IGFN1: variants seen among roughly 807,000 people sequenced by gnomAD.
IGFN1 encodes immunoglobulin-like and fibronectin type III domain-containing protein 1.
In IGFN1, 253 loss-of-function variants were observed where a neutral mutation model predicts 289.5. That is an observed-to-expected ratio of 0.87 (90% CI 0.79 to 0.97). The LOEUF (loss-of-function observed/expected upper bound fraction) is 0.97, where lower values mean the gene tolerates loss of function less well. IGFN1 is among the 50% of genes least tolerant of loss of function. The pLI, the probability that IGFN1 is intolerant of heterozygous loss-of-function variation, is 0.00. For missense variants in IGFN1, 4,470 were observed against 4,686.1 expected, an observed-to-expected ratio of 0.95 and a Z score of 1.35; for synonymous variants, 1,706 against 1,788.5, an observed-to-expected ratio of 0.95 and a Z score of 1.16.
At chr1:201,217,588 T>G (rs1653405627) in intron 17 of IGFN1, 128 bp downstream of exon 17, 1 of 914,456 alleles carries the variant, frequency 1.1e-6, no homozygotes, top group Non-Finnish European at 1.6e-6. Context: ...CGTCTGGAGA[T>G]ATTTTTCGTG....
At chr1:201,199,539 C>G in intron 6 of IGFN1, 70 bp from the exon 7 acceptor site, 1 of 1,476,438 alleles carries the variant, frequency 6.8e-7, no homozygotes, top group South Asian at 1.2e-5. Flanking sequence ...ATGGACAACA[C>G]AGAAAAGCTC....
rs1458337685 is a variant in IGFN1, at chr1:201,208,630, C to G, written c.3737C>G (p.Pro1246Arg). 1 of 1,530,144 alleles carries G rather than the reference C, an allele frequency of 6.5e-7. No individual in the cohort carries two copies. The highest frequency in any genetic ancestry group is 8.7e-7 in the Non-Finnish European group (1 of 1,143,824). 94.8% of individuals were successfully genotyped at this position (1,530,144 alleles called of 1,614,324 possible). The change falls in exon 12 of 24, where the codon CCA becomes CGA. Residue 1246 changes from proline (P) to arginine (R), a missense_variant. Pro to Arg is a moderately radical substitution (Grantham distance 103). Coordinates refer to ENST00000335211, the MANE Select transcript of IGFN1 (RefSeq NM_001164586.2). The part of the protein sequence containing the change: ...SRGLGPRSTG[P>R]GGEAGFRDGS... ...GGCCTTGGGCCTAGGAGTACAGGGC[C>G]AGGGGGTGAGGCAGGCTTTAGAGAT...
Position 201,217,381 on chromosome 1 carries a change from C to A in IGFN1, c.9690C>A (p.Ala3230=). 6.2e-7 allele frequency: 1 copy of A among 1,614,168 alleles called. No homozygotes were observed. Among genetic ancestry groups the A allele is most frequent in the Non-Finnish European group, 8.5e-7 (1 of 1,180,028 alleles). ...TWTAPRGPGS[A]HILGYLIERR... is the part of the protein sequence containing the mutation. ...CAGCACCTCGGGGCCCCGGCAGCGC[C>A]CACATCCTGGGCTACCTGATCGAGA... The change falls in exon 17 of 24, where the codon GCC becomes GCA. Residue 3230 remains alanine, a synonymous_variant. Coordinates refer to ENST00000335211, the MANE Select transcript of IGFN1 (RefSeq NM_001164586.2).
chr1:201,228,460 G>A lies in IGFN1; in HGVS notation c.*61G>A. On this transcript the variant is annotated 3_prime_UTR_variant, in exon 24 of 24. Transcript: ENST00000335211. ...AGCTTCACTTCCGACACCTGCACTG[G>A]CCCGGGAAGCCAATCCCAAGGATGG... 1.3e-6 allele frequency: 2 copies of A among 1,548,264 alleles called. No homozygotes were observed. The highest frequency in any genetic ancestry group is 8.9e-7 in the Non-Finnish European group (1 of 1,119,898).
chr1:201,198,730 C>T (rs112685859), intron 5 of IGFN1, among the ~76,000 whole-genome samples: 2,592 of 152,268 alleles, frequency 0.017, 92 homozygotes, highest in African/African-American at 0.06. Flanking sequence ...ACCAGTCCAT[C>T]CACCCTTTTT....
chr1:201,212,541 G>T lies in IGFN1; in HGVS notation c.7648G>T (p.Glu2550Ter). ...AGMAALGSGY[E>*]RDIWKAGPGM... ...AATGGCTGCTCTAGGGTCTGGATAT[G>T]AACGGGACATCTGGAAAGCAGGCCC... is the stretch of plus-strand genomic sequence containing the variant. Residue 2550 changes from glutamate (E) to a stop codon, truncating the protein, a stop_gained, in exon 12 of 24, where the codon GAA becomes TAA. Coordinates refer to ENST00000335211, the MANE Select transcript of IGFN1 (RefSeq NM_001164586.2). LOFTEE classifies it high-confidence loss of function. 6.5e-7 allele frequency: 1 copy of T among 1,549,070 alleles called. No homozygotes were observed. Among genetic ancestry groups the T allele is most frequent in the Non-Finnish European group, 8.7e-7 (1 of 1,146,846 alleles).
chr1:201,208,004 C>T lies in IGFN1; in HGVS notation c.3111C>T (p.Ala1037=), dbSNP rs1392240740. 1.3e-6 allele frequency: 2 copies of T among 1,536,706 alleles called. No individual in the cohort carries two copies. The highest frequency in any genetic ancestry group is 1.7e-6 in the Non-Finnish European group (2 of 1,146,822). ...CAGGAGGAGGGTCTGGGAGAGTTGC[C>T]AGTCTTAAAAATGGCTCAGGTGGTC... The part of the protein sequence containing the change: ...GPAGGGSGRV[A]SLKNGSGGPD... The change falls in exon 12 of 24, where the codon GCC becomes GCT. Residue 1037 remains alanine, a synonymous_variant. Coordinates refer to ENST00000335211, the MANE Select transcript of IGFN1 (RefSeq NM_001164586.2).
At chr1:201,228,238 A>G in intron 23 of IGFN1, 148 bp from the exon 24 acceptor site, 1 of 810,970 alleles carries the variant, frequency 1.2e-6, no homozygotes, top group East Asian at 2.4e-5. Context: ...AAGCTTAGAG[A>G]GCACGTGGTG....
At chr1:201,194,375 A>G (rs1283516408) in intron 3 of IGFN1, 102 bp downstream of exon 3, 1 of 1,313,664 alleles carries the variant, frequency 7.6e-7, no homozygotes, top group East Asian at 2.5e-5. Context: ...CCCAGGCCCT[A>G]TATCCATCAC....
Position 201,212,851 on chromosome 1 carries a change from C to T in IGFN1, c.7958C>T (p.Ser2653Phe). Residue 2653 changes from serine to phenylalanine, a missense_variant, in exon 12 of 24, where the codon TCT becomes TTT. Physicochemically the swap from Ser to Phe is radical, Grantham distance 155. Transcript: ENST00000335211. ...CCCGCAGGCTCCAGAGCTTCCGGTT[C>T]TCTGCAGGAGAAAGATGCCGCTTTT... ...KQPAGSRASG[S>F]LQEKDAAFGG... The T allele has an allele frequency of 6.4e-7, 1 of 1,551,282 alleles. No individual in the cohort carries two copies. The highest frequency in any genetic ancestry group is 8.7e-7 in the Non-Finnish European group (1 of 1,146,872).
At chr1:201,202,237 A>C (rs1572171071) in intron 9 of IGFN1, among the ~76,000 whole-genome samples, 1 of 152,204 alleles carries the variant, frequency 6.6e-6, no homozygotes, top group Non-Finnish European at 1.5e-5. Flanking sequence ...GGTGGGGAGC[A>C]GTTGGTAAAA....
Position 201,208,133 on chromosome 1 carries a change from T to G in IGFN1, c.3240T>G (p.Pro1080=). The change falls in exon 12 of 24, where the codon CCT becomes CCG. Residue 1080 remains proline (P), a synonymous_variant. Coordinates refer to ENST00000335211, the MANE Select transcript of IGFN1 (RefSeq NM_001164586.2). ...GHHSDGGLGS[P]GVTGSAGRGG... ...ATTCAGATGGTGGCCTAGGGAGTCCTGGGGTGACAGGGTCTGCGGGTAGAG... is the reference window on the plus strand; with the variant it reads ...ATTCAGATGGTGGCCTAGGGAGTCCGGGGGTGACAGGGTCTGCGGGTAGAG... The G allele has an allele frequency of 6.5e-7, 1 of 1,536,882 alleles. No homozygotes were observed. The highest frequency in any genetic ancestry group is 8.7e-7 in the Non-Finnish European group (1 of 1,146,790).
intron 23 of IGFN1, 47 bp from the exon 24 acceptor site, chr1:201,228,339 G>C (rs776771969): frequency 6.3e-7 from 1 of 1,597,856 alleles, no homozygotes. Context: ...GATGCAGGGT[G>C]GGGTGGCTGC....
intron 3 of IGFN1, 46 bp from the exon 4 acceptor site, chr1:201,195,793 C>A: frequency 6.5e-7 from 1 of 1,530,028 alleles, no homozygotes; most frequent in Non-Finnish European, 8.8e-7. Flanking sequence ...ATACAGTCAC[C>A]CTCTCCCAAC....
rs1667895200 is a variant in IGFN1 at position 201,212,903 on chromosome 1, C to T, written c.8010C>T (p.Gly2670=). 1 of 1,551,254 alleles carries T rather than the reference C, an allele frequency of 6.4e-7. No individual in the cohort carries two copies. The highest frequency in any genetic ancestry group is 1.2e-5 in the South Asian group (1 of 84,058). The part of the protein sequence containing the change: ...AFGGTHEGPG[G]FKGGEGAPGQ... ...GTGGGACCCATGAAGGGCCAGGGGGCTTTAAGGGTGGGGAGGGTGCACCAG... is the reference window on the plus strand; with the variant it reads ...GTGGGACCCATGAAGGGCCAGGGGGTTTTAAGGGTGGGGAGGGTGCACCAG... Residue 2670 remains glycine, a synonymous_variant, in exon 12 of 24, where the codon GGC becomes GGT. Transcript: ENST00000335211.
At chr1:201,196,814 A>G (rs182021116) in intron 4 of IGFN1, among the ~76,000 whole-genome samples, 1 of 152,320 alleles carries the variant, frequency 6.6e-6, no homozygotes, top group Non-Finnish European at 1.5e-5. Flanking sequence ...TATTTGACAT[A>G]GATTATATAT....
intron 1 of IGFN1, among the ~76,000 whole-genome samples, chr1:201,191,837 G>A (rs866701650): frequency 6.6e-6 from 1 of 152,184 alleles, no homozygotes; most frequent in East Asian, 1.9e-4. Flanking sequence ...CAATAGCTGA[G>A]TAACAGGATG....
At chr1:201,196,063 T>C in intron 4 of IGFN1, 85 bp downstream of exon 4, 1 of 1,362,832 alleles carries the variant, frequency 7.3e-7, no homozygotes, top group Non-Finnish European at 9.9e-7. Context: ...CTCCAATCCC[T>C]AGAGGAGTAA....
At chr1:201,196,043 CT>C in intron 4 of IGFN1, 65 bp downstream of exon 4, 1 of 1,481,658 alleles carries the variant, frequency 6.7e-7, no homozygotes. Flanking sequence ...TTGAAGGTCT[CT>C]TTGGCAGCCT....
Sources: gnomAD v4.1 joint callset for allele counts (sites outside exome capture counted in the v4.1 genomes callset) on GRCh38, gnomAD v4.1.1 for gene constraint, MANE v1.5 for transcripts, NCBI Gene and HGNC (gene_info 2026-07-23, HGNC 2026-07-21) for gene names.